CHID1: variants seen among roughly 807,000 people sequenced by gnomAD.
CHID1 encodes chitinase domain-containing protein 1.
In CHID1, 44 loss-of-function variants were observed where a neutral mutation model predicts 55.4. The ratio of observed to expected loss-of-function variants is 0.79; its 90% confidence interval spans 0.62 to 1.02. The LOEUF (loss-of-function observed/expected upper bound fraction) is 1.02, where lower values mean the gene tolerates loss of function less well. Ranked by LOEUF, CHID1 falls within the 50% of genes least tolerant of loss-of-function variation. CHID1 has a pLI of 0.00. For synonymous variants in CHID1, 216 were observed against 212.9 expected, an observed-to-expected ratio of 1.01 and a Z score of -0.13; for missense variants, 491 against 515.3, an observed-to-expected ratio of 0.95 and a Z score of 0.46.
intron 7 of CHID1, among the ~76,000 whole-genome samples, chr11:897,487 A>G (rs924459717): frequency 6.6e-6 from 1 of 152,240 alleles, no homozygotes; most frequent in Non-Finnish European, 1.5e-5. Flanking sequence ...ATGGAAGGTC[A>G]GCCCCGGCAG....
chr11:902,174 C>A (rs1351463248), intron 4 of CHID1, 24 bp downstream of exon 4: 1 of 1,612,668 alleles, frequency 6.2e-7, no homozygotes, highest in South Asian at 1.1e-5. Flanking sequence ...GGGGCAAGCA[C>A]AGTCAAGCAG....
At chr11:907,922 C>T (rs1852357684) in intron 1 of CHID1, among the ~76,000 whole-genome samples, 1 of 152,224 alleles carries the variant, frequency 6.6e-6, no homozygotes. Context: ...GTTTTCACTT[C>T]CTCTGAAACC....
intron 7 of CHID1, among the ~76,000 whole-genome samples, chr11:896,808 A>G: frequency 7.5e-6 from 1 of 133,872 alleles, no homozygotes; most frequent in South Asian, 2.5e-4. Flanking sequence ...AGACACAATG[A>G]GCCTGTCTCA....
chr11:892,394 G>T (rs370065712), intron 8 of CHID1, among the ~76,000 whole-genome samples: 2 of 152,214 alleles, frequency 1.3e-5, no homozygotes, highest in Non-Finnish European at 2.9e-5. Context: ...GACCCCCAAC[G>T]CCTGGTCACA....
rs1191013359 is a variant in CHID1, at chr11:900,985, G to A, written c.395-5C>T. 1.3e-6 allele frequency: 2 copies of A among 1,598,140 alleles called. No homozygotes were observed. Among genetic ancestry groups the A allele is most frequent in the Non-Finnish European group, 1.7e-6 (2 of 1,173,164 alleles). ...TCCTGACAGCTCGCATCCACCCTGT[G>A]GGACATGGAGGGGACAGTCAACACA... On this transcript the variant is annotated splice_polypyrimidine_tract_variant and splice_region_variant and intron_variant, in intron 4 of 12. Coordinates refer to ENST00000323578, the MANE Select transcript of CHID1 (RefSeq NM_023947.4).
At chr11:907,225 T>G (rs1359648876) in intron 1 of CHID1, among the ~76,000 whole-genome samples, 1 of 152,160 alleles carries the variant, frequency 6.6e-6, no homozygotes, top group Non-Finnish European at 1.5e-5. Flanking sequence ...CTCACGCCTG[T>G]AATCCCAGCA....
At chr11:878,462 A>G (rs1849665611) in intron 10 of CHID1, among the ~76,000 whole-genome samples, 1 of 151,936 alleles carries the variant, frequency 6.6e-6, no homozygotes, top group African/African-American at 2.4e-5. Context: ...GCTACTCGGG[A>G]GGCTGAGGCA....
intron 7 of CHID1, among the ~76,000 whole-genome samples, chr11:897,947 G>A (rs1851501299): frequency 6.6e-6 from 1 of 152,174 alleles, no homozygotes; most frequent in Admixed American, 6.5e-5. Context: ...CAGGACTCCA[G>A]GGCTCTTCTG....
At chr11:888,729 C>T (rs1468691483) in intron 8 of CHID1, among the ~76,000 whole-genome samples, 2 of 152,202 alleles carry the variant, frequency 1.3e-5, no homozygotes, top group South Asian at 2.1e-4. Context: ...ATGCAGGCAG[C>T]GGCATGCAAG....
At chr11:878,418 A>G (rs1294245900) in intron 10 of CHID1, among the ~76,000 whole-genome samples, 1 of 150,740 alleles carries the variant, frequency 6.6e-6, no homozygotes, top group Non-Finnish European at 1.5e-5. Context: ...AAACAAAACA[A>G]AACAAACCGT....
chr11:877,861 C>T (rs1054383377), intron 10 of CHID1, among the ~76,000 whole-genome samples: 12 of 151,920 alleles, frequency 7.9e-5, no homozygotes, highest in Non-Finnish European at 7.4e-5. Context: ...TGTGGGGAGG[C>T]GGGGCCTTTA....
rs186248638 is a variant in CHID1, at chr11:903,576, T to G, written c.112-465A>C. ...CAGGTGGATCACCTGAGATCAGGAG[T>G]TGGAGACCAGCCTGGTCAACATGGT... On this transcript the variant is annotated intron_variant, in intron 2 of 12. Coordinates refer to ENST00000323578, the MANE Select transcript of CHID1 (RefSeq NM_023947.4). 5 of 210,634 alleles carry G rather than the reference T, an allele frequency of 2.4e-5. No individual in the cohort carries two copies. In the East Asian group the frequency reaches 7.9e-4, roughly 33 times the overall value. The allele number at this position is 210,634 out of a possible 1,614,324, so 13.0% of individuals were successfully genotyped here. A position where few individuals can be genotyped will look rare whatever the true frequency, so the allele number is the denominator to read the frequency against.
chr11:901,011 G>T, intron 4 of CHID1, 31 bp from the exon 5 acceptor site: 1 of 1,577,670 alleles, frequency 6.3e-7, no homozygotes, highest in East Asian at 2.4e-5. Context: ...AGTCAACACA[G>T]GCACGTGCGC....
upstream of CHID1, chr11:911,245 AC>A (rs1012732364): frequency 6.7e-6 from 1 of 150,310 alleles, no homozygotes; most frequent in African/African-American, 2.5e-5. Context: ...CGTCCCCCCG[AC>A]CCCCGCCTGA....
Position 870,513 on chromosome 11 carries a change from G to A in CHID1, c.960-14C>T, listed in dbSNP as rs763201989. 14 of 1,595,928 alleles carry A rather than the reference G, an allele frequency of 8.8e-6. No homozygotes were observed. The highest frequency in any genetic ancestry group is 1.3e-5 in the African/African-American group (1 of 74,614). Reference sequence around the variant, plus strand: ...GTCTGGATGTACCTGGGGAGACCAGGATATGGATTTGGGAGCCCACCCAGC... The same window carrying A: ...GTCTGGATGTACCTGGGGAGACCAGAATATGGATTTGGGAGCCCACCCAGC... On this transcript the variant is annotated splice_polypyrimidine_tract_variant and intron_variant, in intron 10 of 12. Coordinates refer to ENST00000323578, the MANE Select transcript of CHID1 (RefSeq NM_023947.4).
intron 1 of CHID1, among the ~76,000 whole-genome samples, chr11:909,873 A>AAC (rs1852520461): frequency 6.6e-6 from 1 of 152,126 alleles, no homozygotes; most frequent in Admixed American, 6.5e-5. Context: ...CAGCCTGGCC[A>AAC]ACGTGATGAA....
rs1161073040 is a variant in CHID1, at chr11:869,230, G to A, written c.*628C>T. 1 of 153,534 alleles carries A rather than the reference G, an allele frequency of 6.5e-6. No individual in the cohort carries two copies. Among genetic ancestry groups the A allele is most frequent in the Non-Finnish European group, 1.4e-5 (1 of 69,118 alleles). 9.5% of individuals were successfully genotyped at this position (153,534 alleles called of 1,614,324 possible). ...TCGTGCTACCTGAGGCGGCAGAGCTGAGCCAAGGTCCAGGACCAGTTTCAA... is the reference window on the plus strand; with the variant it reads ...TCGTGCTACCTGAGGCGGCAGAGCTAAGCCAAGGTCCAGGACCAGTTTCAA... On this transcript the variant is annotated 3_prime_UTR_variant, in exon 13 of 13. Coordinates refer to ENST00000323578, the MANE Select transcript of CHID1 (RefSeq NM_023947.4).
intron 10 of CHID1, among the ~76,000 whole-genome samples, chr11:873,159 T>G (rs916509576): frequency 1.3e-5 from 2 of 151,842 alleles, no homozygotes; most frequent in Non-Finnish European, 2.9e-5. Flanking sequence ...GAGTCACTCC[T>G]GGGGAGGGAA....
At chr11:881,595 C>CTCA (rs1565170020) in intron 10 of CHID1, among the ~76,000 whole-genome samples, 1 of 27,728 alleles carries the variant, frequency 3.6e-5, no homozygotes, top group African/African-American at 1.6e-4. Context: ...CCACGTCGGG[C>CTCA]GGTAGGTTGG....
Sources: allele counts gnomAD v4.1 joint callset (sites outside exome capture counted in the v4.1 genomes callset), GRCh38; gene constraint gnomAD v4.1.1; transcripts MANE v1.5; gene names NCBI Gene and HGNC (gene_info 2026-07-23, HGNC 2026-07-21).